ABCA7: variants seen among roughly 807,000 people sequenced by gnomAD.
The protein encoded by ABCA7 is phospholipid-transporting ATPase ABCA7.
Under a neutral mutation model 227.6 loss-of-function variants are expected in ABCA7, and 261 were observed. The observed-to-expected ratio is 1.15, with a 90% CI of 1.04 to 1.27. The LOEUF (loss-of-function observed/expected upper bound fraction) is 1.27, where lower values mean the gene tolerates loss of function less well. Among genes scored for constraint, ABCA7 ranks in the 50% most tolerant of loss-of-function variants. The probability of loss-of-function intolerance (pLI) is 0.00; values close to 1 mark genes in which losing one functional copy is unlikely to be tolerated. For synonymous variants in ABCA7, 1,488 were observed against 1,279.7 expected, an observed-to-expected ratio of 1.16 and a Z score of -3.47; for missense variants, 3,331 against 2,924.5, an observed-to-expected ratio of 1.14 and a Z score of -3.21.
Position 1,054,038 on chromosome 19 carries a change from A to G in ABCA7, c.3505A>G (p.Ile1169Val). 1 of 1,613,314 alleles carries G rather than the reference A, an allele frequency of 6.2e-7. No individual in the cohort carries two copies. The highest frequency in any genetic ancestry group is 1.7e-4 in the Middle Eastern group (1 of 6,058). The change falls in exon 26 of 47, where the codon ATT becomes GTT. Residue 1169 changes from isoleucine to valine, a missense_variant. Transcript: ENST00000263094. The surrounding 1 kb of genome is among the most constrained non-coding windows in gnomAD (Gnocchi z 4.8). ...CTGCGGGCAGCACCTATGCACAGGC[A>G]TTGCTGGCCTAGACGTAACCCTACG... ...GSCGQHLCTGIAGLDVTLRLK... is the reference protein window; with the variant it reads ...GSCGQHLCTGVAGLDVTLRLK...
Position 1,054,796 on chromosome 19 carries a change from G to T in ABCA7, c.3868G>T (p.Asp1290Tyr), listed in dbSNP as rs781300176. ...CACACACAGTGAGGACGCCCCAGGGGACCCTGGACGTGCCCGGCTGCTCGA... is the reference window on the plus strand; with the variant it reads ...CACACACAGTGAGGACGCCCCAGGGTACCCTGGACGTGCCCGGCTGCTCGA... ...VSFFSEDAPG[D>Y]PGRARLLEAL... is the part of the protein sequence containing the mutation. Residue 1290 changes from aspartate to tyrosine, a missense_variant, in exon 29 of 47, where the codon GAC (aspartate) becomes TAC (tyrosine). By Grantham distance (160) the Asp-to-Tyr change is radical. Transcript: ENST00000263094. The surrounding 1 kb of genome is among the most constrained non-coding windows in gnomAD (Gnocchi z 4.8). 1.2e-5 allele frequency: 19 copies of T among 1,595,594 alleles called. No homozygotes were observed. The highest frequency in any genetic ancestry group is 1.6e-5 in the Non-Finnish European group (19 of 1,171,998).
Position 1,061,409 on chromosome 19 carries a change from AAAAG to A in ABCA7, c.5464-371_5464-368del, listed in dbSNP as rs1448088614. ...CCGTCTCAAAAAAAAAAAAAAAAAA[AAAAG>A]AGGCTGGGTGCCGTGGCTCACGCCT... On this transcript the variant is annotated intron_variant, in intron 40 of 46. Coordinates refer to ENST00000263094, the MANE Select transcript of ABCA7 (RefSeq NM_019112.4). Among the ~76,000 whole-genome samples, 12 of 150,266 alleles carry A rather than the reference AAAAG, an allele frequency of 8.0e-5. No homozygotes were observed. In the South Asian group the frequency reaches 1.7e-3, roughly 21 times the overall value.
At chr19:1,044,900 G>T (rs1378679873) in intron 11 of ABCA7, 102 bp from the exon 12 acceptor site, 1 of 1,513,826 alleles carries the variant, frequency 6.6e-7, no homozygotes, top group African/African-American at 1.4e-5. Context: ...GTGGGCCTAC[G>T]AGGGGAAAAC....
At chr19:1,051,617 A>G (rs1878034659) in intron 21 of ABCA7, 31 bp downstream of exon 21, 1 of 1,592,406 alleles carries the variant, frequency 6.3e-7, no homozygotes, top group Non-Finnish European at 8.6e-7. Context: ...TCGAGGGGCC[A>G]GAAAAGGCTT....
At chr19:1,043,937 C>CTTT (rs374000299) in intron 10 of ABCA7, 96 bp downstream of exon 10, 1,084 of 664,340 alleles carry the variant, frequency 1.6e-3, no homozygotes, top group Non-Finnish European at 1.8e-3. Flanking sequence ...CAGACCCCCA[C>CTTT]TTTTTTTTTT....
At chr19:1,052,344 C>G in intron 23 of ABCA7, 58 bp downstream of exon 23, 5 of 935,598 alleles carry the variant, frequency 5.3e-6, no homozygotes, top group South Asian at 4.5e-5. Flanking sequence ...TGTGCCTTAA[C>G]TTGAGGAGGA....
chr19:1,054,752 C>G lies in ABCA7; in HGVS notation c.3852-28C>G, dbSNP rs1182566443. 1 of 1,609,118 alleles carries G rather than the reference C, an allele frequency of 6.2e-7. No homozygotes were observed. Among genetic ancestry groups the G allele is most frequent in the East Asian group, 2.2e-5 (1 of 44,688 alleles). On this transcript the variant is annotated intron_variant, in intron 28 of 46. Coordinates refer to ENST00000263094, the MANE Select transcript of ABCA7 (RefSeq NM_019112.4). The surrounding 1 kb of genome is among the most constrained non-coding windows in gnomAD (Gnocchi z 4.8). The stretch of plus-strand genomic sequence containing the variant: ...AGACTAGGGACCTGGGGGTACAGCC[C>G]TGACCCTACATCTCCCCTCACACAC...
chr19:1,051,869 C>T lies in ABCA7; in HGVS notation c.2963-73C>T, dbSNP rs2041663944. 4 of 1,564,500 alleles carry T rather than the reference C, an allele frequency of 2.6e-6. No individual in the cohort carries two copies. The Admixed American group carries it at 6.8e-5, about 27-fold the overall frequency. ...AGTTTGCTTCATGGGGCAGACAACTCCTGGCAGAGGCCCCAGCTCGGGCAA... is the reference window on the plus strand; with the variant it reads ...AGTTTGCTTCATGGGGCAGACAACTTCTGGCAGAGGCCCCAGCTCGGGCAA... On this transcript the variant is annotated intron_variant, in intron 21 of 46. Coordinates refer to ENST00000263094, the MANE Select transcript of ABCA7 (RefSeq NM_019112.4).
Position 1,060,207 on chromosome 19 carries a change from A to ATATATATATTTT in ABCA7, c.5463+1123_5463+1124insATATATATTTTT. Among the ~76,000 whole-genome samples, 36 of 96,864 alleles carry ATATATATATTTT rather than the reference A, an allele frequency of 3.7e-4. 2 individuals carry two copies. The highest frequency in any genetic ancestry group is 1.2e-3 in the African/African-American group (35 of 28,762). The allele number at this position is 96,864 out of a possible 152,430, so 63.5% of individuals were successfully genotyped here. On this transcript the variant is annotated intron_variant, in intron 40 of 46. Coordinates refer to ENST00000263094, the MANE Select transcript of ABCA7 (RefSeq NM_019112.4). ...AGCACACATTGCAGTATATATATAT[A>ATATATATATTTT]TTTTTTTTTCTTTTTTTTTCTTTTG... is the stretch of plus-strand genomic sequence containing the variant.
intron 20 of ABCA7, 59 bp downstream of exon 20, chr19:1,051,353 A>G: frequency 6.7e-7 from 1 of 1,499,302 alleles, no homozygotes; most frequent in Non-Finnish European, 9.0e-7. Flanking sequence ...TTCATCCTGA[A>G]GGCAGGGGGA....
Position 1,040,721 on chromosome 19 carries a change from G to T in ABCA7, c.-137-504G>T, listed in dbSNP as rs141016152. Among the ~76,000 whole-genome samples, 945 of 152,262 alleles carry T rather than the reference G, an allele frequency of 6.2e-3. 7 individuals carry two copies. Among genetic ancestry groups the T allele is most frequent in the African/African-American group, 0.021 (890 of 41,542 alleles). On this transcript the variant is annotated intron_variant, in intron 1 of 46. Transcript: ENST00000263094. ...TCTGGCTCCCGCGGTCCCTCTGAGCGATTAATGCTACATAAGGTGTGGGCA... is the reference window on the plus strand; with the variant it reads ...TCTGGCTCCCGCGGTCCCTCTGAGCTATTAATGCTACATAAGGTGTGGGCA...
Position 1,058,441 on chromosome 19 carries a change from C to G in ABCA7, c.5149+172C>G, listed in dbSNP as rs547095258. 1.1e-3 allele frequency among the ~76,000 whole-genome samples: 167 copies of G among 152,204 alleles called. 1 individual carries two copies. Among genetic ancestry groups the G allele is most frequent in the African/African-American group, 3.6e-3 (151 of 41,530 alleles). On this transcript the variant is annotated intron_variant, in intron 37 of 46. Coordinates refer to ENST00000263094, the MANE Select transcript of ABCA7 (RefSeq NM_019112.4). ...GGTACAAGAAAGCAGCCATAAAAAG[C>G]TAATTCTTAGATTACATCACAAGAG...
chr19:1,046,748 G>C, intron 13 of ABCA7, 54 bp from the exon 14 acceptor site: 1 of 1,481,738 alleles, frequency 6.7e-7, no homozygotes, highest in East Asian at 2.5e-5. Context: ...ATGGTGGGCG[G>C]AGGGGGGGTC....
intron 6 of ABCA7, 119 bp from the exon 7 acceptor site, chr19:1,042,627 A>G: frequency 1.7e-6 from 2 of 1,163,372 alleles, no homozygotes; most frequent in Admixed American, 1.7e-5. Context: ...TCAGAGCCTC[A>G]GTTTCCCTAT....
chr19:1,041,341 C>T lies in ABCA7; in HGVS notation c.-21C>T, dbSNP rs753923785. ...GACCGTTGTCCTGACCTCTCTGTCC[C>T]GTCCCCTGCCCAGTCTCACCATGGC... On this transcript the variant is annotated 5_prime_UTR_variant, in exon 2 of 47. Transcript: ENST00000263094. The T allele has an allele frequency of 3.1e-6, 5 of 1,613,632 alleles. No homozygotes were observed. In the East Asian group the frequency reaches 1.1e-4, roughly 36 times the overall value.
rs1048494596 is a variant in ABCA7, at chr19:1,054,971, C to T, written c.3950+93C>T. 9.7e-6 allele frequency: 15 copies of T among 1,541,506 alleles called. No homozygotes were observed. Among genetic ancestry groups the T allele is most frequent in the African/African-American group, 6.8e-5 (5 of 73,020 alleles). ...AGGGAGCCTCAGGGGGCACCTGGAG[C>T]ATCCCCTGTGCCCACCTGGGAGCTG... On this transcript the variant is annotated intron_variant, in intron 29 of 46. Coordinates refer to ENST00000263094, the MANE Select transcript of ABCA7 (RefSeq NM_019112.4). The surrounding 1 kb of genome is among the most constrained non-coding windows in gnomAD (Gnocchi z 4.8).
At position 1,054,591 on chromosome 19, in the gene ABCA7, G is replaced by A. The variant is rs1230886540; in HGVS notation, c.3748G>A (p.Val1250Met). ...FAQIVLPALF[V>M]GLALVFSLIV... ...CCAGATCGTGCTGCCTGCCCTCTTTGTGGGCCTGGCCCTCGTGTTCAGCCT... is the reference window on the plus strand; with the variant it reads ...CCAGATCGTGCTGCCTGCCCTCTTTATGGGCCTGGCCCTCGTGTTCAGCCT... The change falls in exon 28 of 47, where the codon GTG becomes ATG. Residue 1250 changes from valine to methionine, a missense_variant. Val to Met is a conservative substitution (Grantham distance 21, BLOSUM62 1). Coordinates refer to ENST00000263094, the MANE Select transcript of ABCA7 (RefSeq NM_019112.4). The surrounding 1 kb of genome is among the most constrained non-coding windows in gnomAD (Gnocchi z 4.8). The A allele has an allele frequency of 6.2e-7, 1 of 1,611,282 alleles. No individual in the cohort carries two copies. Among genetic ancestry groups the A allele is most frequent in the Non-Finnish European group, 8.5e-7 (1 of 1,178,738 alleles).
At position 1,042,400 on chromosome 19, in the gene ABCA7, A is replaced by C; in HGVS notation, c.498+3A>C. 1 of 1,610,406 alleles carries C rather than the reference A, an allele frequency of 6.2e-7. No individual in the cohort carries two copies. The highest frequency in any genetic ancestry group is 8.5e-7 in the Non-Finnish European group (1 of 1,178,070). On this transcript the variant is annotated splice_donor_region_variant and intron_variant, in intron 6 of 46. Transcript: ENST00000263094. ...TGCTGACGTCACTGCTGCGCACGGT[A>C]GGGTGTCGGGGCGGGACCGCGCTGA...
In ABCA7 at chr19:1,053,755, G is replaced by T. The variant is rs200795774; in HGVS notation, c.3424-33G>T. 8.1e-6 allele frequency: 13 copies of T among 1,599,912 alleles called. No homozygotes were observed. The East Asian group carries it at 2.7e-4, about 33-fold the overall frequency. ...CAAGCCCCCAGTTCTCCCTGTCGGTGTCCAGTCTCTGAGCCCCTGCTTGTC... is the reference window on the plus strand; with the variant it reads ...CAAGCCCCCAGTTCTCCCTGTCGGTTTCCAGTCTCTGAGCCCCTGCTTGTC... On this transcript the variant is annotated intron_variant, in intron 24 of 46. Coordinates refer to ENST00000263094, the MANE Select transcript of ABCA7 (RefSeq NM_019112.4).
Sources: gnomAD v4.1 joint callset for allele counts (sites outside exome capture counted in the v4.1 genomes callset) on GRCh38, gnomAD v4.1.1 for gene constraint, Gnocchi (gnomAD v3.1) non-coding constraint, MANE v1.5 for transcripts, NCBI Gene and HGNC (gene_info 2026-07-23, HGNC 2026-07-21) for gene names.